The following ATRNL1 variants were observed in gnomAD, a reference collection of about 807,000 sequenced individuals.
ATRNL1 encodes attractin-like protein 1.
Under a neutral mutation model 182.7 loss-of-function variants are expected in ATRNL1, and 95 were observed. That is an observed-to-expected ratio of 0.52 (90% confidence interval 0.44 to 0.62). The LOEUF (loss-of-function observed/expected upper bound fraction) is 0.62, where lower values mean the gene tolerates loss of function less well. ATRNL1 is among the 20% of genes least tolerant of loss of function. The probability of loss-of-function intolerance (pLI) is 0.00; values close to 1 mark genes in which losing one functional copy is unlikely to be tolerated. For synonymous variants in ATRNL1, 576 were observed against 568.3 expected (o/e 1.01, Z -0.19); for missense variants, 1,471 against 1,679.5 (o/e 0.88, Z 2.17).
chr10:115,781,827 T>C (rs757043385), intron 27 of ATRNL1, among the ~76,000 whole-genome samples: 1 of 152,186 alleles, frequency 6.6e-6, no homozygotes, highest in Admixed American at 6.5e-5. Context: ...TATATTTCAA[T>C]AACAACCCAT....
At chr10:115,319,689 C>T (rs536955961) in intron 18 of ATRNL1, among the ~76,000 whole-genome samples, 2 of 149,364 alleles carry the variant, frequency 1.3e-5, no homozygotes, top group South Asian at 2.1e-4. Context: ...GTCTGTTTGT[C>T]AGAGACTAGT....
intron 18 of ATRNL1, among the ~76,000 whole-genome samples, chr10:115,331,356 G>T (rs1855212721): frequency 6.6e-6 from 1 of 152,200 alleles, no homozygotes; most frequent in South Asian, 2.1e-4. Flanking sequence ...CACCGCAGGT[G>T]TGAGGCCTGC....
intron 27 of ATRNL1, among the ~76,000 whole-genome samples, chr10:115,765,554 G>A (rs553798227): frequency 2.0e-5 from 3 of 152,160 alleles, no homozygotes; most frequent in Middle Eastern, 3.4e-3. Context: ...TTTATCAGAC[G>A]TCTTTTGCAC....
chr10:115,500,588 G>A (rs899494052), intron 24 of ATRNL1, among the ~76,000 whole-genome samples: 2 of 152,166 alleles, frequency 1.3e-5, no homozygotes, highest in Non-Finnish European at 1.5e-5. Flanking sequence ...TTGTTGCCCA[G>A]GCTGGAGTGC....
At chr10:115,309,399 C>G (rs868913077) in intron 17 of ATRNL1, among the ~76,000 whole-genome samples, 9 of 152,144 alleles carry the variant, frequency 5.9e-5, no homozygotes, top group Middle Eastern at 3.4e-3. Context: ...GTTCTTCTAA[C>G]CCCTGAGTGT....
intron 26 of ATRNL1, among the ~76,000 whole-genome samples, chr10:115,694,694 A>G (rs1374241352): frequency 6.6e-6 from 1 of 152,128 alleles, no homozygotes; most frequent in Non-Finnish European, 1.5e-5. Context: ...ACAACTAACA[A>G]AATTGTAGTG....
chr10:115,529,189 A>G (rs532744019), intron 25 of ATRNL1, among the ~76,000 whole-genome samples: 2 of 151,784 alleles, frequency 1.3e-5, no homozygotes, highest in East Asian at 1.9e-4. Flanking sequence ...TGATTGTTCT[A>G]TCCTTTACTG....
chr10:115,920,241 C>T (rs1953008656), intron 28 of ATRNL1, among the ~76,000 whole-genome samples: 1 of 152,196 alleles, frequency 6.6e-6, no homozygotes, highest in African/African-American at 2.4e-5. Flanking sequence ...TCTTTATTTT[C>T]ACCTTCACGG....
chr10:115,551,837 A>G (rs1554995608), intron 26 of ATRNL1, among the ~76,000 whole-genome samples: 2 of 151,504 alleles, frequency 1.3e-5, no homozygotes, highest in Non-Finnish European at 3.0e-5. Context: ...AGTTTCAGTT[A>G]GTCAAAGACA....
intron 5 of ATRNL1, among the ~76,000 whole-genome samples, chr10:115,132,759 C>G (rs1554875558): frequency 2.0e-5 from 3 of 152,180 alleles, no homozygotes; most frequent in African/African-American, 7.2e-5. Context: ...ATATCCCTCA[C>G]CCACTTTTTG....
chr10:115,538,150 G>T (rs1354000091), intron 25 of ATRNL1, among the ~76,000 whole-genome samples: 1 of 152,140 alleles, frequency 6.6e-6, no homozygotes, highest in Non-Finnish European at 1.5e-5. Context: ...AAATAATGCT[G>T]CTGTGATCAA....
intron 27 of ATRNL1, among the ~76,000 whole-genome samples, chr10:115,804,149 A>G (rs1292254713): frequency 6.6e-6 from 1 of 152,178 alleles, no homozygotes; most frequent in East Asian, 1.9e-4. Context: ...AGCAAGTAAA[A>G]AGTATCCAGA....
At chr10:115,495,563 A>G (rs2133608954) in intron 24 of ATRNL1, among the ~76,000 whole-genome samples, 1 of 152,268 alleles carries the variant, frequency 6.6e-6, no homozygotes, top group Non-Finnish European at 1.5e-5. Context: ...TTCTGACTTA[A>G]TATCATTGAT....
At chr10:115,578,620 T>C (rs1164817635) in intron 26 of ATRNL1, among the ~76,000 whole-genome samples, 2 of 151,634 alleles carry the variant, frequency 1.3e-5, no homozygotes, top group African/African-American at 4.8e-5. Flanking sequence ...AATTTTAATG[T>C]CATCTTCTCT....
At chr10:115,103,581 A>T (rs782248454) in intron 1 of ATRNL1, among the ~76,000 whole-genome samples, 8 of 152,204 alleles carry the variant, frequency 5.3e-5, no homozygotes, top group Non-Finnish European at 8.8e-5. Context: ...TAATAACCAC[A>T]TCAGGGTAAA....
intron 26 of ATRNL1, among the ~76,000 whole-genome samples, chr10:115,581,952 A>T (rs1555007699): frequency 1.5e-5 from 2 of 132,250 alleles, no homozygotes; most frequent in African/African-American, 2.9e-5. Flanking sequence ...TGTCCATGTG[A>T]TCTCATTGTT....
intron 8 of ATRNL1, among the ~76,000 whole-genome samples, chr10:115,174,800 A>G (rs1847432502): frequency 6.6e-6 from 1 of 151,966 alleles, no homozygotes. Flanking sequence ...TAAGAGAAAG[A>G]GTATGCTTCT....
Position 115,394,675 on chromosome 10 carries a change from C to T in ATRNL1, c.3192C>T (p.Gly1064=), listed in dbSNP as rs782283701. 4 of 1,611,406 alleles carry T rather than the reference C, an allele frequency of 2.5e-6. No individual in the cohort carries two copies. The highest frequency in any genetic ancestry group is 4.5e-5 in the East Asian group (2 of 44,772). The change falls in exon 20 of 29, where the codon GGC becomes GGT. Residue 1064 remains glycine (G), a synonymous_variant. Coordinates refer to ENST00000355044, the MANE Select transcript of ATRNL1 (RefSeq NM_207303.4). ...GGQCTACTCS[G]HANICHLHTG... is the part of the protein sequence containing the mutation. ...GACTTACAGCTTGTACATGCAGTGGCCATGCAAATATCTGTCATCTGCACA... is the reference window on the plus strand; with the variant it reads ...GACTTACAGCTTGTACATGCAGTGGTCATGCAAATATCTGTCATCTGCACA...
At chr10:115,259,882 C>G (rs1554908309) in intron 10 of ATRNL1, among the ~76,000 whole-genome samples, 1 of 152,156 alleles carries the variant, frequency 6.6e-6, no homozygotes, top group Non-Finnish European at 1.5e-5. Context: ...TTGATACATT[C>G]AACTTCTAGG....
Sources: gnomAD v4.1 joint callset for allele counts (sites outside exome capture counted in the v4.1 genomes callset) on GRCh38, gnomAD v4.1.1 for gene constraint, MANE v1.5 for transcripts, NCBI Gene and HGNC (gene_info 2026-07-23, HGNC 2026-07-21) for gene names.